ERC1: variants seen among roughly 807,000 people sequenced by gnomAD.
ERC1 encodes the protein RAB6 interacting protein 2.
A neutral mutation model predicts 132.0 loss-of-function variants in ERC1; 56 were observed. The ratio of observed to expected loss-of-function variants is 0.42; its 90% CI spans 0.34 to 0.53. ERC1 has a LOEUF of 0.53. ERC1 is among the 20% of genes least tolerant of loss of function. The pLI, the probability that ERC1 is intolerant of heterozygous loss-of-function variation, is 0.03. For missense variants in ERC1, 1,202 were observed against 1,349.9 expected (o/e 0.89, Z 1.72); for synonymous variants, 478 against 476.1 (o/e 1.00, Z -0.05).
chr12:1,210,813 G>C (rs1957795196), intron 12 of ERC1, among the ~76,000 whole-genome samples: 1 of 152,030 alleles, frequency 6.6e-6, no homozygotes, highest in South Asian at 2.1e-4. Context: ...GGCCAACATG[G>C]TGAAACCCCG....
chr12:1,187,646 CCAAT>C (rs1955251784), intron 11 of ERC1, among the ~76,000 whole-genome samples: 1 of 152,060 alleles, frequency 6.6e-6, no homozygotes, highest in South Asian at 2.1e-4. Context: ...TCTCTTCTTC[CCAAT>C]CATTTTTCTT....
rs764425580 is a variant in ERC1 at position 1,028,022 on chromosome 12, G to A, written c.119G>A (p.Gly40Glu). 6 of 1,614,162 alleles carry A rather than the reference G, an allele frequency of 3.7e-6. No individual in the cohort carries two copies. The Admixed American group carries it at 5.0e-5, about 13-fold the overall frequency. Residue 40 changes from glycine to glutamate, a missense_variant, in exon 2 of 19, where the codon GGG becomes GAG. By Grantham distance (98) the Gly-to-Glu change is moderately conservative (BLOSUM62 -2). Coordinates refer to ENST00000360905, the MANE Select transcript of ERC1 (RefSeq NM_178040.4). ...CACCGTCGAACCAACAGTACGGGAG[G>A]GAGTTCGGGAAGCAGTGTTGGAGGT... ...LGHRRTNSTG[G>E]SSGSSVGGGS...
chr12:1,021,899 C>T (rs1333515298), intron 1 of ERC1, among the ~76,000 whole-genome samples: 2 of 152,102 alleles, frequency 1.3e-5, no homozygotes. Flanking sequence ...CCAGGAGACT[C>T]ATGTATTCTG....
At chr12:1,003,076 C>T (rs1380635493) in intron 1 of ERC1, among the ~76,000 whole-genome samples, 25 of 137,652 alleles carry the variant, frequency 1.8e-4, no homozygotes, top group African/African-American at 5.8e-4. Context: ...CATAGTGAAA[C>T]CCTATCTCTA....
At position 1,289,832 on chromosome 12, in the gene ERC1, CT is replaced by C; in HGVS notation, c.2620-17del. ...ATTGATCAAGACACTCTGTTGTTCT[CT>C]TTCCCATATTTATGATAGGTGGAGG... On this transcript the variant is annotated intron_variant, in intron 14 of 18. Transcript: ENST00000360905. 4.4e-6 allele frequency: 7 copies of C among 1,609,148 alleles called. No individual in the cohort carries two copies. Among genetic ancestry groups the C allele is most frequent in the Non-Finnish European group, 6.0e-6 (7 of 1,175,872 alleles).
intron 1 of ERC1, among the ~76,000 whole-genome samples, chr12:1,005,766 CA>C (rs1963449249): frequency 1.3e-5 from 2 of 152,056 alleles, no homozygotes; most frequent in African/African-American, 2.4e-5. Context: ...TTGAACTTGA[CA>C]AATGCAGGTA....
intron 13 of ERC1, among the ~76,000 whole-genome samples, chr12:1,244,213 T>C (rs2076013305): frequency 6.6e-6 from 1 of 152,238 alleles, no homozygotes; most frequent in Admixed American, 6.5e-5. Context: ...TATTTAATAA[T>C]TGTCACACAA....
intron 17 of ERC1, among the ~76,000 whole-genome samples, chr12:1,420,486 C>T (rs371758810): frequency 1.1e-4 from 16 of 152,060 alleles, no homozygotes; most frequent in Admixed American, 6.5e-4. Flanking sequence ...GACGGAGTCT[C>T]GCTCTGTCAC....
At chr12:1,157,494 G>A (rs777771267) in intron 8 of ERC1, among the ~76,000 whole-genome samples, 8 of 152,166 alleles carry the variant, frequency 5.3e-5, no homozygotes, top group Non-Finnish European at 8.8e-5. Flanking sequence ...CTGGCCAGTT[G>A]TCATTATAGT....
chr12:1,373,802 AAAAGAAAAGGAAATT>A (rs753234672), intron 16 of ERC1, among the ~76,000 whole-genome samples: 19,086 of 86,946 alleles, frequency 0.22, 3,024 homozygotes, highest in African/African-American at 0.5. Context: ...GAAAAGAAAG[AAAAGAAAAGGAAATT>A]AATTAATCTC....
chr12:1,420,216 CAA>C (rs57314946), intron 17 of ERC1, among the ~76,000 whole-genome samples: 33,071 of 152,000 alleles, frequency 0.22, 3,797 homozygotes, highest in Middle Eastern at 0.37. Context: ...ATACCTTTTA[CAA>C]AGACTGAATA....
intron 17 of ERC1, among the ~76,000 whole-genome samples, chr12:1,428,517 C>T (rs896566525): frequency 6.6e-6 from 1 of 152,070 alleles, no homozygotes; most frequent in South Asian, 2.1e-4. Flanking sequence ...TCATGAAGTT[C>T]GTTACTCACC....
At chr12:1,209,045 T>C (rs142126272) in intron 12 of ERC1, among the ~76,000 whole-genome samples, 4,269 of 141,628 alleles carry the variant, frequency 0.03, 214 homozygotes, top group African/African-American at 0.11. Flanking sequence ...CTCAGCTCAC[T>C]GCAACCTCTA....
At chr12:1,355,766 G>T (rs1343126417) in intron 15 of ERC1, among the ~76,000 whole-genome samples, 2 of 152,164 alleles carry the variant, frequency 1.3e-5, no homozygotes, top group Non-Finnish European at 2.9e-5. Context: ...ACTCTACGAG[G>T]TGGGCACCAG....
At chr12:1,361,433 TA>T (rs1304566290) in intron 15 of ERC1, among the ~76,000 whole-genome samples, 3 of 152,060 alleles carry the variant, frequency 2.0e-5, no homozygotes, top group Non-Finnish European at 4.4e-5. Flanking sequence ...AAATAAAAAT[TA>T]AATTAAAAAT....
At chr12:1,218,507 C>A (rs1958635882) in intron 12 of ERC1, among the ~76,000 whole-genome samples, 1 of 152,086 alleles carries the variant, frequency 6.6e-6, no homozygotes, top group Non-Finnish European at 1.5e-5. Flanking sequence ...TTGCTATCTG[C>A]CTTTCCTTAC....
rs188250788 is a variant in ERC1 at position 1,165,536 on chromosome 12, G to T, written c.1738-15004G>T. 5.7e-3 allele frequency among the ~76,000 whole-genome samples: 860 copies of T among 152,186 alleles called. 11 individuals carry two copies. Among genetic ancestry groups the T allele is most frequent in the African/African-American group, 0.018 (729 of 41,520 alleles). Reference sequence around the variant, plus strand: ...TTAGCCAAGATGGTCTTGATCTCCTGACCTCATGATCCACCCGCCTCGGCC... The same window carrying T: ...TTAGCCAAGATGGTCTTGATCTCCTTACCTCATGATCCACCCGCCTCGGCC... On this transcript the variant is annotated intron_variant, in intron 8 of 18. Coordinates refer to ENST00000360905, the MANE Select transcript of ERC1 (RefSeq NM_178040.4).
intron 15 of ERC1, among the ~76,000 whole-genome samples, chr12:1,313,820 A>G (rs2081494224): frequency 6.6e-6 from 1 of 151,898 alleles, no homozygotes; most frequent in African/African-American, 2.4e-5. Flanking sequence ...CCCTGTCTCT[A>G]CTATAATACA....
intron 9 of ERC1, among the ~76,000 whole-genome samples, chr12:1,180,897 C>T (rs1366912951): frequency 6.6e-6 from 1 of 151,650 alleles, no homozygotes; most frequent in Non-Finnish European, 1.5e-5. Flanking sequence ...CACTAAATTC[C>T]ACCTCCCAGG....
Sources: gnomAD v4.1 joint callset for allele counts (sites outside exome capture counted in the v4.1 genomes callset) on GRCh38, gnomAD v4.1.1 for gene constraint, MANE v1.5 for transcripts, NCBI Gene and HGNC (gene_info 2026-07-23, HGNC 2026-07-21) for gene names.